Variants in NEGR1 observed in about 807,000 individuals in gnomAD.
NEGR1 encodes neuronal growth regulator 1, also known as IgLON family member 4.
In NEGR1, 10 loss-of-function variants were observed where a neutral mutation model predicts 40.9. The ratio of observed to expected loss-of-function variants is 0.24; its 90% CI spans 0.15 to 0.42. The LOEUF (loss-of-function observed/expected upper bound fraction) is 0.42. Ranked by LOEUF, NEGR1 falls within the 10% of genes least tolerant of loss-of-function variation. The probability of loss-of-function intolerance (pLI) is 1.00; values close to 1 mark genes in which losing one functional copy is unlikely to be tolerated. For synonymous variants in NEGR1, 185 were observed against 166.8 expected (o/e 1.11, Z -0.84); for missense variants, 352 against 438.9 (o/e 0.80, Z 1.77).
chr1:71,662,905 C>G (rs1652113221), intron 4 of NEGR1, among the ~76,000 whole-genome samples: 1 of 151,666 alleles, frequency 6.6e-6, no homozygotes, highest in Non-Finnish European at 1.5e-5. Flanking sequence ...CCAGTAATAT[C>G]TACCCACTCT....
chr1:71,944,481 C>T (rs1184639952), intron 1 of NEGR1, among the ~76,000 whole-genome samples: 1 of 152,078 alleles, frequency 6.6e-6, no homozygotes, highest in Non-Finnish European at 1.5e-5. Flanking sequence ...GCAATTGCAG[C>T]TCGTCTCCCT....
intron 1 of NEGR1, among the ~76,000 whole-genome samples, chr1:72,141,245 G>C (rs1570030957): frequency 6.6e-6 from 1 of 151,898 alleles, no homozygotes; most frequent in African/African-American, 2.4e-5. Context: ...GAAACACATG[G>C]ACCCATCCTG....
At position 72,094,329 on chromosome 1, in the gene NEGR1, G is replaced by C. The variant is rs113938184; in HGVS notation, c.177-159018C>G. Among the ~76,000 whole-genome samples the C allele has an allele frequency of 9.7e-3, 1,473 of 152,296 alleles. 32 individuals carry two copies. Among genetic ancestry groups the C allele is most frequent in the African/African-American group, 0.034 (1,410 of 41,558 alleles). On this transcript the variant is annotated intron_variant, in intron 1 of 6. Coordinates refer to ENST00000357731, the MANE Select transcript of NEGR1 (RefSeq NM_173808.3). ...AATCTAAGATCTCAAAGAATAAAAA[G>C]TAGGAGCCAGAGAAAAAGTGGGAAA...
At chr1:71,904,508 A>G (rs766080049) in intron 2 of NEGR1, among the ~76,000 whole-genome samples, 3 of 152,060 alleles carry the variant, frequency 2.0e-5, no homozygotes, top group Non-Finnish European at 4.4e-5. Context: ...CATTCCTTAA[A>G]CTTTTAAACA....
At chr1:72,221,651 G>C (rs937567512) in intron 1 of NEGR1, among the ~76,000 whole-genome samples, 3 of 152,064 alleles carry the variant, frequency 2.0e-5, no homozygotes, top group African/African-American at 7.2e-5. Flanking sequence ...TACCACCCCA[G>C]AAAGTAGCCT....
chr1:72,037,663 T>A (rs762839744), intron 1 of NEGR1, among the ~76,000 whole-genome samples: 7 of 152,184 alleles, frequency 4.6e-5, no homozygotes, highest in Non-Finnish European at 1.0e-4. Context: ...TATTCAGAAT[T>A]AAGCCATAAA....
At chr1:71,795,993 C>T (rs569696637) in intron 2 of NEGR1, among the ~76,000 whole-genome samples, 8 of 152,116 alleles carry the variant, frequency 5.3e-5, no homozygotes, top group Non-Finnish European at 1.0e-4. Context: ...TCTGGGTGTA[C>T]ATGTAGGTCA....
intron 6 of NEGR1, among the ~76,000 whole-genome samples, chr1:71,568,535 A>AAG (rs1648694528): frequency 6.6e-6 from 1 of 152,174 alleles, no homozygotes; most frequent in Non-Finnish European, 1.5e-5. Flanking sequence ...TATTTATTGA[A>AAG]GTTACCATGT....
chr1:71,705,638 C>T (rs1245402254), intron 3 of NEGR1, among the ~76,000 whole-genome samples: 4 of 151,650 alleles, frequency 2.6e-5, no homozygotes, highest in Non-Finnish European at 5.9e-5. Context: ...GAAAATGGCG[C>T]GAACCCAGGA....
At chr1:71,568,834 G>A (rs376853361) in intron 6 of NEGR1, among the ~76,000 whole-genome samples, 87,099 of 145,784 alleles carry the variant, frequency 0.6, 25,782 homozygotes, top group Middle Eastern at 0.65. Context: ...GTATACGTGT[G>A]TGTGTGTGTG....
intron 1 of NEGR1, among the ~76,000 whole-genome samples, chr1:72,252,173 T>TCGGCTC (rs1655124409): frequency 6.6e-6 from 1 of 151,416 alleles, no homozygotes; most frequent in African/African-American, 2.5e-5. Flanking sequence ...TGGGGCGATG[T>TCGGCTC]AGCTGGGATT....
At chr1:71,450,921 A>G (rs898358021) in intron 6 of NEGR1, among the ~76,000 whole-genome samples, 1 of 151,582 alleles carries the variant, frequency 6.6e-6, no homozygotes, top group Admixed American at 6.6e-5. Context: ...AGTGTGAAAA[A>G]AATACACATT....
intron 4 of NEGR1, among the ~76,000 whole-genome samples, chr1:71,617,702 T>A (rs528174971): frequency 5.3e-5 from 8 of 152,296 alleles, no homozygotes; most frequent in African/African-American, 1.7e-4. Flanking sequence ...AAAATCATTT[T>A]CCAGAATGTG....
chr1:71,720,291 A>G (rs181284058), intron 3 of NEGR1, among the ~76,000 whole-genome samples: 22 of 152,286 alleles, frequency 1.4e-4, no homozygotes, highest in African/African-American at 5.1e-4. Context: ...TATCAATGCC[A>G]TTTTACACAC....
At chr1:71,601,033 A>C (rs1214928671) in intron 5 of NEGR1, among the ~76,000 whole-genome samples, 1 of 152,214 alleles carries the variant, frequency 6.6e-6, no homozygotes, top group Non-Finnish European at 1.5e-5. Flanking sequence ...AATTACGTTC[A>C]AATTTTCCTT....
At chr1:71,454,767 A>G (rs1456623112) in intron 6 of NEGR1, among the ~76,000 whole-genome samples, 1 of 152,232 alleles carries the variant, frequency 6.6e-6, no homozygotes, top group Admixed American at 6.5e-5. Context: ...ATGACTCACA[A>G]GATGTGCCTA....
intron 4 of NEGR1, among the ~76,000 whole-genome samples, chr1:71,675,789 GT>G (rs918661866): frequency 1.9e-4 from 1 of 5,232 alleles, no homozygotes; most frequent in African/African-American, 2.2e-4. Context: ...GTTGTTGTTT[GT>G]TTTTTGTTTT....
At chr1:71,976,010 C>A (rs1179579614) in intron 1 of NEGR1, among the ~76,000 whole-genome samples, 1 of 152,206 alleles carries the variant, frequency 6.6e-6, no homozygotes, top group East Asian at 1.9e-4. Flanking sequence ...CCCAATGCTT[C>A]ACATTTCATA....
intron 1 of NEGR1, among the ~76,000 whole-genome samples, chr1:72,251,994 AATTGACT>A (rs1165255159): frequency 2.6e-5 from 4 of 152,238 alleles, no homozygotes; most frequent in South Asian, 2.1e-4. Context: ...GGTTACAAGT[AATTGACT>A]ATATAAGAGT....
Sources: gnomAD v4.1 joint callset for allele counts (sites outside exome capture counted in the v4.1 genomes callset) on GRCh38, gnomAD v4.1.1 for gene constraint, MANE v1.5 for transcripts, NCBI Gene and HGNC (gene_info 2026-07-23, HGNC 2026-07-21) for gene names.